The following DHRS9 variants were observed in gnomAD, a reference collection of about 807,000 sequenced individuals.
DHRS9 encodes dehydrogenase/reductase SDR family member 9.
DHRS9 carries 18 observed loss-of-function variants against 26.6 expected under a neutral mutation model. The observed-to-expected ratio is 0.68, with a 90% confidence interval of 0.47 to 1.00. The LOEUF (loss-of-function observed/expected upper bound fraction) is 1.00, where lower values mean the gene tolerates loss of function less well. DHRS9 is among the 50% of genes least tolerant of loss of function. DHRS9 has a pLI of 0.00. For missense variants in DHRS9, 425 were observed against 378.7 expected (o/e 1.12, Z -1.01); for synonymous variants, 134 against 141.1 (o/e 0.95, Z 0.36).
upstream of DHRS9, among the ~76,000 whole-genome samples, chr2:169,068,477 A>C (rs1017933529): frequency 6.6e-6 from 1 of 152,168 alleles, no homozygotes; most frequent in East Asian, 1.9e-4. Context: ...GGTGCCCACC[A>C]CCATGCCTGG....
chr2:169,083,823 C>A (rs1011604815), intron 3 of DHRS9, among the ~76,000 whole-genome samples: 1 of 152,116 alleles, frequency 6.6e-6, no homozygotes, highest in Admixed American at 6.5e-5. Flanking sequence ...AAGCATTTAT[C>A]CTTTCTTTGT....
intron 3 of DHRS9, among the ~76,000 whole-genome samples, chr2:169,089,270 T>C (rs1574035478): frequency 6.6e-6 from 1 of 152,108 alleles, no homozygotes; most frequent in Non-Finnish European, 1.5e-5. Context: ...GAGGCTGTTG[T>C]TTTCAGTTAA....
At chr2:169,072,515 A>G (rs945521336) in intron 1 of DHRS9, 1 of 651,280 alleles carries the variant, frequency 1.5e-6, no homozygotes, top group Non-Finnish European at 1.9e-6. Flanking sequence ...TTTTTAAGAA[A>G]CAGAGGAAGG....
chr2:169,084,869 C>T (rs1684303087), intron 3 of DHRS9, among the ~76,000 whole-genome samples: 1 of 152,006 alleles, frequency 6.6e-6, no homozygotes, highest in Non-Finnish European at 1.5e-5. Context: ...GCTTTAGTTG[C>T]CTGTGTTTGT....
At chr2:169,068,036 G>T (rs1174254561), upstream of DHRS9, among the ~76,000 whole-genome samples, 1 of 152,210 alleles carries the variant, frequency 6.6e-6, no homozygotes, top group East Asian at 1.9e-4. Context: ...AGTTCATTAA[G>T]TAGCAAAATT....
intron 1 of DHRS9, among the ~76,000 whole-genome samples, chr2:169,079,873 GAA>G (rs1320546399): frequency 0.011 from 836 of 74,596 alleles, 42 homozygotes; most frequent in African/African-American, 0.075. Flanking sequence ...AAGAAAGAAA[GAA>G]AGAAAGAAAG....
chr2:169,080,666 C>A (rs1684154725), intron 1 of DHRS9, among the ~76,000 whole-genome samples: 1 of 152,246 alleles, frequency 6.6e-6, no homozygotes, highest in African/African-American at 2.4e-5. Context: ...CTAGCCCTGA[C>A]AAAATTAATT....
chr2:169,071,064 A>G (rs1683789524), intron 1 of DHRS9, among the ~76,000 whole-genome samples: 1 of 140,926 alleles, frequency 7.1e-6, no homozygotes, highest in Non-Finnish European at 1.5e-5. Flanking sequence ...ACTCCGTCTC[A>G]AAAAAAAAAA....
chr2:169,079,989 G>A (rs1211430815), intron 1 of DHRS9, among the ~76,000 whole-genome samples: 3 of 78,632 alleles, frequency 3.8e-5, no homozygotes, highest in East Asian at 1.2e-3. Flanking sequence ...GAGAGAGAAA[G>A]AAAGAAAGAA....
chr2:169,094,764 C>G (rs75994740), intron 4 of DHRS9, among the ~76,000 whole-genome samples: 89 of 152,084 alleles, frequency 5.9e-4, no homozygotes, highest in African/African-American at 2.0e-3. Context: ...GTGTAAGATT[C>G]AGTTTCATTC....
intron 2 of DHRS9, 69 bp from the exon 3 acceptor site, chr2:169,083,260 T>C: frequency 6.4e-7 from 1 of 1,552,416 alleles, no homozygotes; most frequent in Non-Finnish European, 8.8e-7. Context: ...AAGCAGGGGC[T>C]GTATTTTCAT....
At chr2:169,076,646 G>T (rs1235674386) in intron 1 of DHRS9, among the ~76,000 whole-genome samples, 1 of 152,132 alleles carries the variant, frequency 6.6e-6, no homozygotes, top group East Asian at 1.9e-4. Context: ...CCTTCTGACA[G>T]TGTGAAGCCT....
At chr2:169,087,400 G>A (rs559056625) in intron 3 of DHRS9, among the ~76,000 whole-genome samples, 2 of 152,130 alleles carry the variant, frequency 1.3e-5, no homozygotes, top group Admixed American at 1.3e-4. Context: ...TCTGGCCCAG[G>A]ATAGGTTGAG....
intron 3 of DHRS9, among the ~76,000 whole-genome samples, chr2:169,088,666 G>T (rs552696016): frequency 6.6e-6 from 1 of 152,096 alleles, no homozygotes; most frequent in African/African-American, 2.4e-5. Flanking sequence ...ATTAATTTGC[G>T]CAAGGTCACC....
In DHRS9 at chr2:169,083,337, G is replaced by A. The variant is rs566331511; in HGVS notation, c.322G>A (p.Gly108Ser). Residue 108 changes from glycine (G) to serine (S), a missense_variant, in exon 3 of 5, where the codon GGT becomes AGT. Physicochemically the swap from Gly to Ser is moderately conservative, Grantham distance 56. Transcript: ENST00000674881. ...CTTCCTCTCTGTTCTAGGTCTCTGG[G>A]GTCTGATCAATAATGCTGGTGTTCC... ...KNQVGEKGLW[G>S]LINNAGVPGV... is the part of the protein sequence containing the mutation. 1 of 1,613,926 alleles carries A rather than the reference G, an allele frequency of 6.2e-7. No individual in the cohort carries two copies. Among genetic ancestry groups the A allele is most frequent in the Non-Finnish European group, 8.5e-7 (1 of 1,179,918 alleles).
intron 3 of DHRS9, among the ~76,000 whole-genome samples, chr2:169,088,345 T>C (rs1010565032): frequency 6.6e-6 from 1 of 152,188 alleles, no homozygotes; most frequent in Non-Finnish European, 1.5e-5. Context: ...TCTGCCTCCA[T>C]GCCACAGAGT....
chr2:169,082,940 G>A (rs112824055), intron 2 of DHRS9, among the ~76,000 whole-genome samples: 2,244 of 152,066 alleles, frequency 0.015, 67 homozygotes, highest in African/African-American at 0.052. Flanking sequence ...TAAATGACGT[G>A]TTAATGGGAG....
intron 3 of DHRS9, among the ~76,000 whole-genome samples, chr2:169,089,525 T>C (rs764840976): frequency 2.6e-5 from 4 of 152,224 alleles, no homozygotes; most frequent in Non-Finnish European, 4.4e-5. Context: ...AAGTTAGTTA[T>C]AGTTTTTCCT....
chr2:169,089,178 G>C (rs1684443545), intron 3 of DHRS9, among the ~76,000 whole-genome samples: 1 of 152,150 alleles, frequency 6.6e-6, no homozygotes, highest in African/African-American at 2.4e-5. Context: ...TACAATCTAG[G>C]GGCTAATGAC....
Sources: gnomAD v4.1 joint callset for allele counts (sites outside exome capture counted in the v4.1 genomes callset) on GRCh38, gnomAD v4.1.1 for gene constraint, MANE v1.5 for transcripts, NCBI Gene and HGNC (gene_info 2026-07-23, HGNC 2026-07-21) for gene names.